ZNF540: variants seen among roughly 807,000 people sequenced by gnomAD.
The protein encoded by ZNF540 is CTD-3064H18.6.
ZNF540 carries 3 observed loss-of-function variants against 11.8 expected under a neutral mutation model. The observed-to-expected ratio is 0.25, with a 90% CI of 0.12 to 0.65. The LOEUF (loss-of-function observed/expected upper bound fraction) is 0.65. Ranked by LOEUF, ZNF540 falls within the 30% of genes least tolerant of loss-of-function variation. The pLI is 0.83. For synonymous variants in ZNF540, 247 were observed against 259.0 expected (o/e 0.95, Z 0.45); for missense variants, 709 against 793.1 (o/e 0.89, Z 1.27).
intron 1 of ZNF540, among the ~76,000 whole-genome samples, chr19:37,552,549 G>A (rs1250427119): frequency 6.6e-6 from 1 of 152,172 alleles, no homozygotes; most frequent in Non-Finnish European, 1.5e-5. Flanking sequence ...CTAGGCACAA[G>A]TACTTGTATG....
At chr19:37,598,596 CT>C (rs2044014236) in intron 2 of ZNF540, 140 bp downstream of exon 2, 2 of 828,290 alleles carry the variant, frequency 2.4e-6, no homozygotes, top group Admixed American at 4.4e-5. Context: ...GGCCCCCTCT[CT>C]TTTCTAACCA....
chr19:37,605,236 G>A (rs939550737), intron 4 of ZNF540, among the ~76,000 whole-genome samples: 5 of 152,132 alleles, frequency 3.3e-5, no homozygotes, highest in African/African-American at 7.2e-5. Flanking sequence ...TAAGGCAGGC[G>A]GATCGCTTGA....
At chr19:37,565,757 T>C in intron 1 of ZNF540, 1 of 1,613,704 alleles carries the variant, frequency 6.2e-7, no homozygotes, top group Non-Finnish European at 8.5e-7. Context: ...TGCGTTACAC[T>C]GATAAGGTTT....
chr19:37,567,052 G>A (rs941503926), intron 1 of ZNF540, among the ~76,000 whole-genome samples: 18 of 152,088 alleles, frequency 1.2e-4, no homozygotes, highest in Admixed American at 5.9e-4. Context: ...CTACAGTTTT[G>A]TCTTTAGAAT....
chr19:37,564,515 G>A, intron 1 of ZNF540: 2 of 1,309,900 alleles, frequency 1.5e-6, no homozygotes, highest in East Asian at 2.5e-5. Flanking sequence ...AGCAGATTCT[G>A]AGCAGAAGCA....
At chr19:37,567,387 G>C (rs572248416) in intron 1 of ZNF540, among the ~76,000 whole-genome samples, 13 of 152,254 alleles carry the variant, frequency 8.5e-5, no homozygotes, top group Admixed American at 5.9e-4. Context: ...CAAAGTTTGA[G>C]AATAGAGCTA....
At chr19:37,579,429 C>G (rs965863704) in intron 1 of ZNF540, among the ~76,000 whole-genome samples, 2 of 152,184 alleles carry the variant, frequency 1.3e-5, no homozygotes, top group Admixed American at 6.5e-5. Flanking sequence ...TGGAGGAAGC[C>G]CCTTCTACAG....
chr19:37,609,295 G>C (rs1456179848), intron 4 of ZNF540, among the ~76,000 whole-genome samples: 2 of 152,162 alleles, frequency 1.3e-5, no homozygotes, highest in African/African-American at 4.8e-5. Flanking sequence ...TGTAATCTCA[G>C]CACTTTGGGA....
chr19:37,556,967 C>T (rs536846331), intron 1 of ZNF540, among the ~76,000 whole-genome samples: 19 of 152,138 alleles, frequency 1.2e-4, no homozygotes, highest in Admixed American at 3.3e-4. Flanking sequence ...CCTTACTGAC[C>T]GACAGAACTA....
intron 1 of ZNF540, among the ~76,000 whole-genome samples, chr19:37,568,120 T>G (rs949734456): frequency 6.6e-6 from 1 of 152,136 alleles, no homozygotes; most frequent in Non-Finnish European, 1.5e-5. Context: ...ACCTATCTGA[T>G]GTAACTGGAT....
At position 37,596,881 on chromosome 19, in the gene ZNF540, G is replaced by A. The variant is rs186506385; in HGVS notation, c.-72-1495G>A. On this transcript the variant is annotated intron_variant, in intron 1 of 4. Transcript: ENST00000316433. ...ACTTTAACGTATATTATCTTAATAA[G>A]TAGCAACATTTAATAGCTTTTAGTC... 3.9e-5 allele frequency among the ~76,000 whole-genome samples: 6 copies of A among 152,236 alleles called. No individual in the cohort carries two copies. In the East Asian group the frequency reaches 1.2e-3, roughly 29 times the overall value.
At chr19:37,563,930 G>A (rs958179851) in intron 1 of ZNF540, 59 of 152,006 alleles carry the variant, frequency 3.9e-4, no homozygotes, top group African/African-American at 1.4e-3. Flanking sequence ...GAAAATGTGG[G>A]CCAAAAACTT....
intron 1 of ZNF540, among the ~76,000 whole-genome samples, chr19:37,562,202 G>A (rs2042724308): frequency 6.6e-6 from 1 of 152,100 alleles, no homozygotes; most frequent in Non-Finnish European, 1.5e-5. Flanking sequence ...GACCAACATG[G>A]AGAAACCCTG....
At chr19:37,581,862 A>C (rs2147192728) in intron 1 of ZNF540, among the ~76,000 whole-genome samples, 1 of 150,666 alleles carries the variant, frequency 6.6e-6, no homozygotes, top group Non-Finnish European at 1.5e-5. Context: ...CTGCAGGGTG[A>C]ACCAGGAGAA....
At chr19:37,607,416 G>T (rs919554934) in intron 4 of ZNF540, among the ~76,000 whole-genome samples, 1 of 152,146 alleles carries the variant, frequency 6.6e-6, no homozygotes, top group African/African-American at 2.4e-5. Context: ...ATCCACAATT[G>T]CAGTATCATA....
intron 1 of ZNF540, chr19:37,566,443 CA>C (rs1274957834): frequency 6.0e-6 from 5 of 828,424 alleles, no homozygotes; most frequent in Non-Finnish European, 8.9e-6. Context: ...TTTAAAGGCA[CA>C]AGGAGAGAAT....
chr19:37,565,957 A>G lies in ZNF540; in HGVS notation c.-73+14292A>G, dbSNP rs182807995. ...ATTTTTCTATATTATGATTTTCCTC[A>G]TGTTGAATAAGGCATGACAGGTAGC... is the stretch of plus-strand genomic sequence containing the variant. On this transcript the variant is annotated intron_variant, in intron 1 of 4. Transcript: ENST00000592533. The G allele has an allele frequency of 6.4e-5, 104 of 1,613,752 alleles. 2 individuals are homozygous for G. The Admixed American group carries it at 1.7e-3, about 26-fold the overall frequency.
chr19:37,613,893 T>C lies in ZNF540; in HGVS notation c.*630T>C, dbSNP rs1401067496. On this transcript the variant is annotated 3_prime_UTR_variant, in exon 5 of 5. Coordinates refer to ENST00000316433, the MANE Select transcript of ZNF540 (RefSeq NM_001172225.3). ...TTAGGAGGAAATTAGGTCATGAGGGTGGAGCCTTCATGAGTGGAATTACTG... is the reference window on the plus strand; with the variant it reads ...TTAGGAGGAAATTAGGTCATGAGGGCGGAGCCTTCATGAGTGGAATTACTG... 2.5e-6 allele frequency: 1 copy of C among 398,314 alleles called. No homozygotes were observed. The highest frequency in any genetic ancestry group is 4.4e-6 in the Non-Finnish European group (1 of 226,040). 24.7% of individuals were successfully genotyped at this position (398,314 alleles called of 1,614,324 possible). A position where few individuals can be genotyped will look rare whatever the true frequency, so the allele number is the denominator to read the frequency against.
exon 1 of ZNF540, chr19:37,551,536 TAAA>T (rs1458254989): frequency 6.6e-6 from 1 of 152,314 alleles, no homozygotes. Flanking sequence ...AGAACCAGGC[TAAA>T]GAAACGTCCA....
Sources: gnomAD v4.1 joint callset for allele counts (sites outside exome capture counted in the v4.1 genomes callset) on GRCh38, gnomAD v4.1.1 for gene constraint, MANE v1.5 for transcripts, NCBI Gene and HGNC (gene_info 2026-07-23, HGNC 2026-07-21) for gene names.